Variants in NUP188 observed in about 807,000 individuals in gnomAD.
NUP188 encodes nucleoporin 188.
NUP188 carries 97 observed loss-of-function variants against 223.0 expected under a neutral mutation model. The observed-to-expected ratio is 0.43, with a 90% CI of 0.37 to 0.51. The LOEUF is 0.51. Among genes scored for constraint, NUP188 ranks in the 20% least tolerant of loss-of-function variants. NUP188 has a pLI of 0.00. For missense variants in NUP188, 1,947 were observed against 2,175.6 expected, an observed-to-expected ratio of 0.89 and a Z score of 2.09; for synonymous variants, 869 against 828.0, an observed-to-expected ratio of 1.05 and a Z score of -0.85.
chr9:129,004,614 C>G (rs1436938426), intron 38 of NUP188: 1 of 154,458 alleles, frequency 6.5e-6, no homozygotes, highest in African/African-American at 2.4e-5. Flanking sequence ...ACGCCATTCT[C>G]CTGCCTCAGC....
In NUP188 at chr9:129,006,576, C is replaced by A. The variant is rs540091414; in HGVS notation, c.5148C>A (p.Pro1716=). 5 of 1,614,242 alleles carry A rather than the reference C, an allele frequency of 3.1e-6. No homozygotes were observed. Among genetic ancestry groups the A allele is most frequent in the Middle Eastern group, 1.6e-4 (1 of 6,062 alleles). Residue 1716 remains proline, a synonymous_variant, in exon 44 of 44, where the codon CCC becomes CCA. Transcript: ENST00000372577. ...APSSPATGVL[P]SPQGKSTSLS... ...GCTCCCCTGCCACTGGTGTCCTCCCCTCGCCGCAGGGCAAGTCCACCTCTC... is the reference window on the plus strand; with the variant it reads ...GCTCCCCTGCCACTGGTGTCCTCCCATCGCCGCAGGGCAAGTCCACCTCTC...
intron 8 of NUP188, chr9:128,964,294 G>A: frequency 2.6e-6 from 1 of 384,860 alleles, no homozygotes; most frequent in Admixed American, 3.1e-5. Context: ...GTAAATATAA[G>A]CTATTTACCA....
At position 128,947,727 on chromosome 9, in the gene NUP188, C is replaced by A. The variant is rs746695959; in HGVS notation, c.8C>A (p.Ala3Glu). 1 of 1,468,128 alleles carries A rather than the reference C, an allele frequency of 6.8e-7. No individual in the cohort carries two copies. The highest frequency in any genetic ancestry group is 1.3e-5 in the South Asian group (1 of 75,686). The allele number at this position is 1,468,128 out of a possible 1,614,324, so 90.9% of individuals were successfully genotyped here. MA[A>E]AAGGPCVRSS... is the part of the protein sequence containing the mutation. ...GCGAGCGGGCGCGCGAAGATGGCGG[C>A]GGCCGCCGGCGGGCCGTGTGTGAGG... Residue 3 changes from alanine (A) to glutamate (E), a missense_variant, in exon 1 of 44, where the codon GCG (alanine) becomes GAG (glutamate). This residue lies in a region of NUP188 where 817 missense variants were observed against 865.8 expected (regional missense o/e 0.94). Transcript: ENST00000372577.
At chr9:128,950,048 C>T (rs1267638421) in intron 2 of NUP188, among the ~76,000 whole-genome samples, 2 of 150,118 alleles carry the variant, frequency 1.3e-5, no homozygotes, top group African/African-American at 4.9e-5. Context: ...TCAGCCTCCC[C>T]AGTAGCTGGG....
chr9:128,960,135 C>T (rs1841926689), intron 8 of NUP188, among the ~76,000 whole-genome samples: 1 of 148,052 alleles, frequency 6.8e-6, no homozygotes, highest in African/African-American at 2.5e-5. Flanking sequence ...GAGATCTCCA[C>T]TCACTGCAGG....
chr9:128,959,173 T>TA, intron 8 of NUP188, 39 bp downstream of exon 8: 2 of 1,472,040 alleles, frequency 1.4e-6, no homozygotes, highest in Admixed American at 2.2e-5. Context: ...TTTTTTTTTT[T>TA]AAGATGGAGT....
intron 38 of NUP188, among the ~76,000 whole-genome samples, chr9:129,004,311 A>G (rs1437668638): frequency 6.6e-6 from 1 of 151,664 alleles, no homozygotes. Flanking sequence ...TAAACTAAAC[A>G]AAACCAAAAA....
intron 8 of NUP188, among the ~76,000 whole-genome samples, chr9:128,966,252 C>G (rs1361222071): frequency 4.0e-5 from 5 of 124,470 alleles, no homozygotes; most frequent in Admixed American, 2.7e-4. Context: ...CTCTGTCTGT[C>G]TCTGTGTCTG....
chr9:128,947,918 G>A, intron 1 of NUP188, 167 bp downstream of exon 1: 2 of 512,384 alleles, frequency 3.9e-6, no homozygotes, highest in East Asian at 3.5e-5. Flanking sequence ...CGGTCCCCGC[G>A]CGCGGGGATC....
intron 11 of NUP188, 73 bp from the exon 12 acceptor site, chr9:128,973,087 C>A: frequency 2.4e-6 from 2 of 849,236 alleles, no homozygotes; most frequent in Non-Finnish European, 3.7e-6. Flanking sequence ...TATATGAATG[C>A]GATAGGATTA....
chr9:128,971,609 G>A (rs1263117658), intron 11 of NUP188, among the ~76,000 whole-genome samples: 7 of 151,902 alleles, frequency 4.6e-5, no homozygotes, highest in African/African-American at 1.2e-4. Context: ...TAGTAGAGAC[G>A]GGGTTTTACC....
intron 24 of NUP188, 83 bp downstream of exon 24, chr9:128,988,269 G>A (rs1288683927): frequency 3.9e-5 from 56 of 1,448,944 alleles, no homozygotes; most frequent in Non-Finnish European, 5.1e-5. Context: ...CTTAGGCAGT[G>A]TTTTTGGATG....
rs1314295313 is a variant in NUP188, at chr9:128,988,149, TGTG to T, written c.2500_2502del (p.Val834del). 1.9e-6 allele frequency: 3 copies of T among 1,614,148 alleles called. No homozygotes were observed. The highest frequency in any genetic ancestry group is 2.2e-5 in the South Asian group (2 of 91,030). ...TTATTCGGCTGAAACCTCCTTCTAA[TGTG>T]GTGTCCCCCCTGGAACAGGCTCTCT... On this transcript the variant is annotated inframe_deletion, in exon 24 of 44. Coordinates refer to ENST00000372577, the MANE Select transcript of NUP188 (RefSeq NM_015354.3).
At chr9:128,993,727 CT>C in intron 27 of NUP188, 33 bp downstream of exon 27, 1 of 1,600,268 alleles carries the variant, frequency 6.2e-7, no homozygotes, top group East Asian at 2.2e-5. Flanking sequence ...TTTCATTGTT[CT>C]GGTCTATAAA....
In NUP188 at chr9:128,958,853, C is replaced by T; in HGVS notation, c.424C>T (p.His142Tyr). Residue 142 changes from histidine (H) to tyrosine (Y), a missense_variant, in exon 7 of 44, where the codon CAC becomes TAC. His to Tyr is a moderately conservative substitution (Grantham distance 83). Coordinates refer to ENST00000372577, the MANE Select transcript of NUP188 (RefSeq NM_015354.3). ...AACCTGTATTCTTCGTTGTGTCTTA[C>T]ACCTTCTCACTTACTTCCAAGATGA... ...ERTCILRCVL[H>Y]LLTYFQDERH... 6.2e-7 allele frequency: 1 copy of T among 1,602,064 alleles called. No homozygotes were observed. The highest frequency in any genetic ancestry group is 8.5e-7 in the Non-Finnish European group (1 of 1,172,794).
intron 9 of NUP188, 104 bp downstream of exon 9, chr9:128,968,821 G>C: frequency 1.2e-6 from 1 of 842,066 alleles, no homozygotes; most frequent in Non-Finnish European, 1.9e-6. Context: ...CACTTAATCG[G>C]TGGGGAAATA....
intron 3 of NUP188, among the ~76,000 whole-genome samples, chr9:128,955,154 C>T (rs943088354): frequency 6.6e-6 from 1 of 152,100 alleles, no homozygotes; most frequent in Non-Finnish European, 1.5e-5. Flanking sequence ...CCTGGCCAAG[C>T]TACCCTTCTT....
At chr9:129,003,597 C>T in intron 38 of NUP188, 143 bp downstream of exon 38, 1 of 955,796 alleles carries the variant, frequency 1.0e-6, no homozygotes. Flanking sequence ...GGTTTGCTGT[C>T]ATGTGCTTAC....
At chr9:128,996,322 G>A (rs1256739785) in intron 30 of NUP188, among the ~76,000 whole-genome samples, 1 of 151,936 alleles carries the variant, frequency 6.6e-6, no homozygotes, top group Non-Finnish European at 1.5e-5. Context: ...GCTAATTTTT[G>A]TATTTTTCGT....
Sources: gnomAD v4.1 joint callset for allele counts (sites outside exome capture counted in the v4.1 genomes callset) on GRCh38, gnomAD v4.1.1 for gene constraint, gnomAD v4.1.1 regional missense constraint, MANE v1.5 for transcripts, NCBI Gene and HGNC (gene_info 2026-07-23, HGNC 2026-07-21) for gene names.